HSD17B4: variants seen among roughly 807,000 people sequenced by gnomAD.
HSD17B4 encodes the protein peroxisomal multifunctional enzyme type 2.
In HSD17B4, 70 loss-of-function variants were observed where a neutral mutation model predicts 101.0. The ratio of observed to expected loss-of-function variants is 0.69; its 90% CI spans 0.57 to 0.85. The LOEUF is 0.85. Among genes scored for constraint, HSD17B4 ranks in the 40% least tolerant of loss-of-function variants. The pLI is 0.00. For missense variants in HSD17B4, 984 were observed against 892.4 expected, an observed-to-expected ratio of 1.10 and a Z score of -1.31; for synonymous variants, 347 against 297.1, an observed-to-expected ratio of 1.17 and a Z score of -1.73.
At chr5:119,488,235 T>A (rs1296069475) in intron 8 of HSD17B4, among the ~76,000 whole-genome samples, 2 of 152,114 alleles carry the variant, frequency 1.3e-5, no homozygotes, top group Non-Finnish European at 2.9e-5. Context: ...AGTTGAATGA[T>A]GGGCTCAGGT....
At chr5:119,457,674 T>G (rs1444206154) in intron 2 of HSD17B4, among the ~76,000 whole-genome samples, 9 of 152,228 alleles carry the variant, frequency 5.9e-5, no homozygotes, top group Non-Finnish European at 1.3e-4. Flanking sequence ...TCCTTCCTTT[T>G]TATGTTGCTA....
At chr5:119,461,267 C>T (rs1320175872) in intron 2 of HSD17B4, among the ~76,000 whole-genome samples, 2 of 151,968 alleles carry the variant, frequency 1.3e-5, no homozygotes, top group Non-Finnish European at 2.9e-5. Context: ...AATCTATAAG[C>T]AAGTATCCCA....
chr5:119,492,191 G>T, intron 10 of HSD17B4, 67 bp downstream of exon 10: 1 of 1,198,912 alleles, frequency 8.3e-7, no homozygotes, highest in Non-Finnish European at 1.2e-6. Flanking sequence ...ATATCCAGTT[G>T]AGATGGGTAA....
intron 16 of HSD17B4, among the ~76,000 whole-genome samples, chr5:119,512,256 G>C (rs1340807645): frequency 6.6e-6 from 1 of 151,990 alleles, no homozygotes. Context: ...TCATATAATG[G>C]GTGTATCAGA....
chr5:119,529,559 C>A (rs1012434468), intron 20 of HSD17B4, among the ~76,000 whole-genome samples: 34 of 146,348 alleles, frequency 2.3e-4, no homozygotes, highest in Non-Finnish European at 4.9e-4. Context: ...CACTTCCCCC[C>A]CAAAAAATGC....
At chr5:119,525,638 G>C in intron 18 of HSD17B4, 1 of 524,516 alleles carries the variant, frequency 1.9e-6, no homozygotes, top group Non-Finnish European at 3.4e-6. Context: ...GAGTACCCTG[G>C]ATGATTTCAT....
At chr5:119,487,735 A>G (rs946462497) in intron 8 of HSD17B4, among the ~76,000 whole-genome samples, 1 of 152,176 alleles carries the variant, frequency 6.6e-6, no homozygotes, top group African/African-American at 2.4e-5. Context: ...AGCCAACTCA[A>G]ATATCCAAAT....
At chr5:119,531,790 A>G (rs1171661846) in intron 22 of HSD17B4, among the ~76,000 whole-genome samples, 2 of 152,154 alleles carry the variant, frequency 1.3e-5, no homozygotes, top group African/African-American at 4.8e-5. Context: ...GATATTTGAC[A>G]GTTACAAAAT....
At chr5:119,478,707 T>C (rs193193124) in intron 7 of HSD17B4, 127 bp from the exon 8 acceptor site, 45 of 665,372 alleles carry the variant, frequency 6.8e-5, no homozygotes, top group African/African-American at 4.7e-4. Context: ...TAAATCATGA[T>C]CGTAAGAAGC....
At chr5:119,479,654 T>G (rs1748933420) in intron 8 of HSD17B4, among the ~76,000 whole-genome samples, 1 of 152,182 alleles carries the variant, frequency 6.6e-6, no homozygotes, top group African/African-American at 2.4e-5. Context: ...TCTTCCTGAA[T>G]TCTCAGGGAT....
chr5:119,491,671 C>T (rs1750120284), intron 9 of HSD17B4, among the ~76,000 whole-genome samples: 1 of 152,102 alleles, frequency 6.6e-6, no homozygotes, highest in South Asian at 2.1e-4. Context: ...GTAGGTCCTT[C>T]AAGAGGGACA....
Position 119,531,420 on chromosome 5 carries a change from G to C in HSD17B4, c.1993+16G>C, listed in dbSNP as rs764195595. 6.2e-7 allele frequency: 1 copy of C among 1,605,202 alleles called. No homozygotes were observed. Among genetic ancestry groups the C allele is most frequent in the South Asian group, 1.1e-5 (1 of 90,936 alleles). ...GCTAAGTGGAGTAAGTTATAGCCCT[G>C]ATTTTATAATATTCTAAGGTAATTC... On this transcript the variant is annotated intron_variant, in intron 22 of 23. Transcript: ENST00000510025.
chr5:119,502,567 TCTTA>T (rs894775770), intron 14 of HSD17B4, among the ~76,000 whole-genome samples: 10 of 152,026 alleles, frequency 6.6e-5, no homozygotes, highest in Non-Finnish European at 1.2e-4. Context: ...CTCAAAAATA[TCTTA>T]CTTGTTTAGT....
rs1337577753 is a variant in HSD17B4 at position 119,478,904 on chromosome 5, T to A, written c.505T>A (p.Leu169Met). Residue 169 changes from leucine to methionine, a missense_variant, in exon 8 of 24, where the codon TTG becomes ATG. By Grantham distance (15) the Leu-to-Met change is conservative. Coordinates refer to ENST00000510025, the MANE Select transcript of HSD17B4 (RefSeq NM_000414.4). ...CCAGGCCAATTATAGTGCTGCAAAG[T>A]TGGGTCTTCTGGGCCTTGCAAATTC... ...FGQANYSAAK[L>M]GLLGLANSLA... 7.4e-6 allele frequency: 12 copies of A among 1,613,612 alleles called. No homozygotes were observed. The highest frequency in any genetic ancestry group is 9.3e-6 in the Non-Finnish European group (11 of 1,179,744).
intron 2 of HSD17B4, among the ~76,000 whole-genome samples, chr5:119,459,873 CT>C (rs545329527): frequency 2.2e-3 from 310 of 142,254 alleles, no homozygotes; most frequent in Middle Eastern, 7.3e-3. Context: ...CCCCACATCT[CT>C]TTTTTTTTTT....
chr5:119,453,993 T>C (rs1438410930), intron 1 of HSD17B4, among the ~76,000 whole-genome samples: 1 of 152,146 alleles, frequency 6.6e-6, no homozygotes, highest in African/African-American at 2.4e-5. Context: ...TATCTGAAAA[T>C]CATTCAAGGA....
At chr5:119,499,896 C>T (rs918038177) in intron 13 of HSD17B4, among the ~76,000 whole-genome samples, 2 of 152,156 alleles carry the variant, frequency 1.3e-5, no homozygotes, top group African/African-American at 2.4e-5. Flanking sequence ...ATAATCCTCA[C>T]CTCATGACAT....
chr5:119,524,525 C>A (rs1753400245), intron 17 of HSD17B4, among the ~76,000 whole-genome samples: 2 of 152,252 alleles, frequency 1.3e-5, no homozygotes, highest in South Asian at 4.1e-4. Context: ...TGGTGAATTT[C>A]TTCCTTTCAG....
At chr5:119,525,633 C>A in intron 18 of HSD17B4, 1 of 521,552 alleles carries the variant, frequency 1.9e-6, no homozygotes, top group South Asian at 2.1e-5. Context: ...GTTGAGAGTA[C>A]CCTGGATGAT....
Sources: gnomAD v4.1 joint callset for allele counts (sites outside exome capture counted in the v4.1 genomes callset) on GRCh38, gnomAD v4.1.1 for gene constraint, MANE v1.5 for transcripts, NCBI Gene and HGNC (gene_info 2026-07-23, HGNC 2026-07-21) for gene names.